Variants in DNAH14 observed in about 807,000 individuals in gnomAD.
DNAH14 encodes the protein axonemal beta dynein heavy chain 14.
Under a neutral mutation model 520.9 loss-of-function variants are expected in DNAH14, and 478 were observed. The observed-to-expected ratio is 0.92, with a 90% CI of 0.85 to 0.99. DNAH14 has a LOEUF of 0.99. Ranked by LOEUF, DNAH14 falls within the 50% of genes least tolerant of loss-of-function variation. The pLI is 0.00. For synonymous variants in DNAH14, 1,581 were observed against 1,757.2 expected (o/e 0.90, Z 2.51); for missense variants, 4,831 against 5,234.5 (o/e 0.92, Z 2.38).
intron 79 of DNAH14, among the ~76,000 whole-genome samples, chr1:225,378,878 C>CT (rs1457971532): frequency 1.1e-4 from 1 of 8,806 alleles, no homozygotes; most frequent in Non-Finnish European, 2.6e-4. Context: ...AAACTCCGTC[C>CT]CAAAAAAAAA....
intron 54 of DNAH14, among the ~76,000 whole-genome samples, chr1:225,282,952 T>C (rs1307090450): frequency 6.6e-6 from 1 of 152,200 alleles, no homozygotes; most frequent in Non-Finnish European, 1.5e-5. Context: ...CTTCATTATA[T>C]GTGTGGCAAA....
intron 60 of DNAH14, among the ~76,000 whole-genome samples, chr1:225,316,764 G>A (rs893685677): frequency 2.6e-5 from 4 of 152,260 alleles, no homozygotes; most frequent in Admixed American, 2.0e-4. Context: ...CGTTGATCTC[G>A]CTGGGAGCTG....
intron 37 of DNAH14, among the ~76,000 whole-genome samples, 195 bp from the exon 38 acceptor site, chr1:225,192,501 A>G (rs1211795831): frequency 6.6e-6 from 1 of 152,084 alleles, no homozygotes; most frequent in Non-Finnish European, 1.5e-5. Flanking sequence ...ACAATTTTTT[A>G]AAAGAATGAT....
At chr1:225,333,996 C>A (rs1049724695) in intron 66 of DNAH14, among the ~76,000 whole-genome samples, 1 of 152,180 alleles carries the variant, frequency 6.6e-6, no homozygotes, top group African/African-American at 2.4e-5. Context: ...TGGATCCCCA[C>A]TGATAATTTC....
At chr1:225,036,387 A>C (rs1406314050) in intron 11 of DNAH14, among the ~76,000 whole-genome samples, 1 of 152,022 alleles carries the variant, frequency 6.6e-6, no homozygotes, top group Non-Finnish European at 1.5e-5. Context: ...CACCCACCTA[A>C]GCCTCCCAAA....
intron 17 of DNAH14, among the ~76,000 whole-genome samples, chr1:225,063,902 A>C (rs202188397): frequency 1.9e-4 from 2 of 10,484 alleles, no homozygotes; most frequent in African/African-American, 1.9e-4. Context: ...CCTCCTCCCC[A>C]AAAAAAGATA....
chr1:225,319,438 A>G (rs2094521954), intron 61 of DNAH14, among the ~76,000 whole-genome samples: 1 of 152,192 alleles, frequency 6.6e-6, no homozygotes, highest in Admixed American at 6.5e-5. Flanking sequence ...AGAAAATAGT[A>G]TTTTAATGAA....
intron 68 of DNAH14, among the ~76,000 whole-genome samples, 161 bp from the exon 69 acceptor site, chr1:225,340,296 T>A (rs992027584): frequency 6.6e-6 from 1 of 152,326 alleles, no homozygotes. Flanking sequence ...TGCAAATGTA[T>A]TCATATAATA....
intron 9 of DNAH14, among the ~76,000 whole-genome samples, chr1:225,004,014 G>A (rs902299674): frequency 1.3e-4 from 20 of 152,084 alleles, no homozygotes; most frequent in African/African-American, 4.6e-4. Context: ...TAGTGATAGA[G>A]AAGAAATGTT....
At chr1:225,093,362 A>G (rs927907355) in intron 21 of DNAH14, among the ~76,000 whole-genome samples, 3 of 152,220 alleles carry the variant, frequency 2.0e-5, no homozygotes, top group Non-Finnish European at 4.4e-5. Context: ...CATTACATAA[A>G]CAGAACTAAA....
intron 36 of DNAH14, among the ~76,000 whole-genome samples, chr1:225,178,806 G>C (rs958268632): frequency 6.6e-6 from 1 of 152,146 alleles, no homozygotes; most frequent in African/African-American, 2.4e-5. Flanking sequence ...TGGTTTGGCT[G>C]TGTCCCCACC....
At position 225,318,824 on chromosome 1, in the gene DNAH14, G is replaced by T; in HGVS notation, c.9335+147G>T. 4.1e-6 allele frequency: 3 copies of T among 733,264 alleles called. No homozygotes were observed. The South Asian group carries it at 6.6e-5, about 16-fold the overall frequency. 45.4% of individuals were successfully genotyped at this position (733,264 alleles called of 1,614,324 possible). On this transcript the variant is annotated intron_variant, in intron 61 of 85. Coordinates refer to ENST00000682510, the MANE Select transcript of DNAH14 (RefSeq NM_001367479.1). Reference sequence around the variant, plus strand: ...GGTTTAAGATTTTTTACCCATCTTGGTTACTTTAAGTGTTCATTCTGTATG... The same window carrying T: ...GGTTTAAGATTTTTTACCCATCTTGTTTACTTTAAGTGTTCATTCTGTATG...
intron 36 of DNAH14, among the ~76,000 whole-genome samples, chr1:225,172,093 G>A (rs1208594650): frequency 4.0e-5 from 6 of 151,418 alleles, no homozygotes; most frequent in Admixed American, 4.0e-4. Context: ...CTCTCAATAA[G>A]GTATTGATGG....
chr1:225,023,328 ATCT>A (rs1366892419), intron 10 of DNAH14, among the ~76,000 whole-genome samples: 2 of 151,928 alleles, frequency 1.3e-5, no homozygotes, highest in African/African-American at 2.4e-5. Context: ...TTAAATTTAG[ATCT>A]ACTATTATTT....
chr1:225,135,152 A>G (rs542379402), intron 27 of DNAH14, among the ~76,000 whole-genome samples: 53 of 150,012 alleles, frequency 3.5e-4, no homozygotes, highest in Non-Finnish European at 6.4e-4. Context: ...CCATGTCTCT[A>G]TCTCCTTCAA....
In DNAH14 at chr1:225,357,361, A is replaced by G. The variant is rs529952737; in HGVS notation, c.11620-1135A>G. ...AAGGTTAAAATTTACAACAGTGGAG[A>G]AATGTAACAAAATCTTGATTGATCA... On this transcript the variant is annotated intron_variant, in intron 73 of 85. Transcript: ENST00000682510. 6.6e-5 allele frequency among the ~76,000 whole-genome samples: 10 copies of G among 152,298 alleles called. No individual in the cohort carries two copies. In the South Asian group the frequency reaches 1.4e-3, roughly 22 times the overall value.
chr1:225,359,609 G>C (rs2095470688), intron 74 of DNAH14, among the ~76,000 whole-genome samples: 1 of 152,136 alleles, frequency 6.6e-6, no homozygotes. Context: ...TATCTGGAGT[G>C]CCTCCACCTG....
chr1:225,205,916 A>G, intron 39 of DNAH14, 55 bp from the exon 40 acceptor site: 1 of 1,386,090 alleles, frequency 7.2e-7, no homozygotes, highest in South Asian at 1.3e-5. Flanking sequence ...GCAAGATTGT[A>G]ATGAAAGATG....
In DNAH14 at chr1:225,153,696, T is replaced by A. The variant is rs2080739898; in HGVS notation, c.5197-54T>A. On this transcript the variant is annotated intron_variant, in intron 33 of 85. Transcript: ENST00000682510. ...TACCTATATACTGTGTGCATTTGTT[T>A]TCATATTTTTTCTTTAGAAACTTTA... The A allele has an allele frequency of 3.8e-6, 5 of 1,307,194 alleles. No homozygotes were observed. The Admixed American group carries it at 1.0e-4, about 27-fold the overall frequency. The allele number at this position is 1,307,194 out of a possible 1,614,324, so 81.0% of individuals were successfully genotyped here.
Sources: gnomAD v4.1 joint callset for allele counts (sites outside exome capture counted in the v4.1 genomes callset) on GRCh38, gnomAD v4.1.1 for gene constraint, MANE v1.5 for transcripts, NCBI Gene and HGNC (gene_info 2026-07-23, HGNC 2026-07-21) for gene names.